The following KIRREL3 variants were observed in gnomAD, a reference collection of about 807,000 sequenced individuals.
The protein encoded by KIRREL3 is kirre like nephrin family adhesion molecule 3, also known as kin of IRRE-like protein 3.
In KIRREL3, 36 loss-of-function variants were observed where a neutral mutation model predicts 89.7. The observed-to-expected ratio is 0.40, with a 90% CI of 0.31 to 0.53. The LOEUF (loss-of-function observed/expected upper bound fraction) is 0.53, where lower values mean the gene tolerates loss of function less well. Ranked by LOEUF, KIRREL3 falls within the 20% of genes least tolerant of loss-of-function variation. The probability of loss-of-function intolerance (pLI) is 0.49; values close to 1 mark genes in which losing one functional copy is unlikely to be tolerated. For missense variants in KIRREL3, 864 were observed against 1,056.6 expected (o/e 0.82, Z 2.53); for synonymous variants, 445 against 441.4 (o/e 1.01, Z -0.10).
rs1955088505 is a variant in KIRREL3, at chr11:126,430,438, C to G, written c.1696+981G>C. Among the ~76,000 whole-genome samples, 3 of 152,010 alleles carry G rather than the reference C, an allele frequency of 2.0e-5. No individual in the cohort carries two copies. The South Asian group carries it at 6.2e-4, about 32-fold the overall frequency. On this transcript the variant is annotated intron_variant, in intron 14 of 16. Coordinates refer to ENST00000525144, the MANE Select transcript of KIRREL3 (RefSeq NM_032531.4). This position sits in a 1 kb window ranked among gnomAD's most constrained non-coding sequence, Gnocchi z 6.6. ...TCAGCCTGGCCAAAAGAGAGAGACC[C>G]TATATAAAAAAAAACCGTATATATA...
intron 1 of KIRREL3, among the ~76,000 whole-genome samples, chr11:126,735,386 T>A (rs1030875491): frequency 6.6e-6 from 1 of 152,166 alleles, no homozygotes; most frequent in East Asian, 1.9e-4. Flanking sequence ...CATGACCAAC[T>A]GGGGAGACAG....
chr11:126,657,522 G>A (rs1945204823), intron 1 of KIRREL3, among the ~76,000 whole-genome samples: 1 of 152,206 alleles, frequency 6.6e-6, no homozygotes, highest in African/African-American at 2.4e-5. Context: ...GGGACAAGCT[G>A]TTTAGCAAAG....
chr11:126,952,149 G>A (rs1350223785), intron 1 of KIRREL3, among the ~76,000 whole-genome samples: 3 of 152,206 alleles, frequency 2.0e-5, no homozygotes, highest in African/African-American at 7.2e-5. Flanking sequence ...GCTTTGGGAG[G>A]CCGAGGCCGG....
At chr11:126,921,721 T>C (rs911176902) in intron 1 of KIRREL3, among the ~76,000 whole-genome samples, 10 of 150,198 alleles carry the variant, frequency 6.7e-5, no homozygotes, top group Non-Finnish European at 1.2e-4. Context: ...TTTCTATCTA[T>C]ATCTATCAAT....
intron 1 of KIRREL3, among the ~76,000 whole-genome samples, chr11:126,616,123 G>T (rs1943337010): frequency 6.6e-6 from 1 of 152,202 alleles, no homozygotes; most frequent in South Asian, 2.1e-4. Context: ...GGTGCTCCAA[G>T]GAAATCTTTC....
At chr11:126,968,587 G>A (rs928893296) in intron 1 of KIRREL3, among the ~76,000 whole-genome samples, 2 of 152,172 alleles carry the variant, frequency 1.3e-5, no homozygotes, top group African/African-American at 4.8e-5. Flanking sequence ...ACATATAAAT[G>A]CTAACAGCGT....
At chr11:126,494,424 A>T (rs1957603095) in intron 4 of KIRREL3, among the ~76,000 whole-genome samples, 1 of 152,196 alleles carries the variant, frequency 6.6e-6, no homozygotes, top group Admixed American at 6.5e-5. Flanking sequence ...AATATAAATG[A>T]GGTGCACGTT....
At chr11:126,835,476 C>G (rs953265862) in intron 1 of KIRREL3, among the ~76,000 whole-genome samples, 4 of 152,206 alleles carry the variant, frequency 2.6e-5, no homozygotes, top group African/African-American at 9.6e-5. Flanking sequence ...ATGGACTTCC[C>G]TATCAAATTT....
chr11:126,933,409 G>T (rs563828301), intron 1 of KIRREL3, among the ~76,000 whole-genome samples: 22 of 151,528 alleles, frequency 1.5e-4, no homozygotes, highest in Non-Finnish European at 2.8e-4. Context: ...AAGTCATCAC[G>T]TTATCTGCCT....
intron 1 of KIRREL3, among the ~76,000 whole-genome samples, chr11:126,980,267 G>A (rs2135244204): frequency 6.6e-6 from 1 of 152,334 alleles, no homozygotes. Context: ...GAAGCTTGAA[G>A]AGCAAGGAGG....
chr11:126,588,438 G>A (rs1452992728), intron 1 of KIRREL3, among the ~76,000 whole-genome samples: 2 of 152,190 alleles, frequency 1.3e-5, no homozygotes, highest in African/African-American at 4.8e-5. Context: ...GATAGGGGTG[G>A]GAATAGGAAT....
chr11:126,434,009 G>A (rs1006589988), intron 13 of KIRREL3, among the ~76,000 whole-genome samples: 1 of 152,232 alleles, frequency 6.6e-6, no homozygotes, highest in African/African-American at 2.4e-5. Flanking sequence ...CTGGACAACG[G>A]TCACCAGGGA....
At position 126,428,184 on chromosome 11, in the gene KIRREL3, G is replaced by A. The variant is rs114174339; in HGVS notation, c.1806+995C>T. Among the ~76,000 whole-genome samples, 1,103 of 152,322 alleles carry A rather than the reference G, an allele frequency of 7.2e-3. 14 individuals are homozygous for A. The highest frequency in any genetic ancestry group is 0.025 in the African/African-American group (1,033 of 41,568). On this transcript the variant is annotated intron_variant, in intron 15 of 16. Transcript: ENST00000525144. This position sits in a 1 kb window ranked among gnomAD's most constrained non-coding sequence, Gnocchi z 6.4. ...TCCACTTCACCCTCACCACAGCCCTGTATACTGTGGCTTTCAGACCCATCT... is the reference window on the plus strand; with the variant it reads ...TCCACTTCACCCTCACCACAGCCCTATATACTGTGGCTTTCAGACCCATCT...
rs139705442 is a variant in KIRREL3 at position 126,771,269 on chromosome 11, A to G, written c.56-208357T>C. On this transcript the variant is annotated intron_variant, in intron 1 of 16. Coordinates refer to ENST00000525144, the MANE Select transcript of KIRREL3 (RefSeq NM_032531.4). This position sits in a 1 kb window ranked among gnomAD's most constrained non-coding sequence, Gnocchi z 4.4. ...ATTCCCTTACTGTTTTTTTTTTTAA[A>G]CAGATGAGGAAACCGAGGCTTAGAG... is the stretch of plus-strand genomic sequence containing the variant. Among the ~76,000 whole-genome samples, 1 of 151,872 alleles carries G rather than the reference A, an allele frequency of 6.6e-6. No individual in the cohort carries two copies. The highest frequency in any genetic ancestry group is 2.4e-5 in the African/African-American group (1 of 41,442).
rs1955107371 is a variant in KIRREL3, at chr11:126,431,009, C to CT, written c.1696+409dup. On this transcript the variant is annotated intron_variant, in intron 14 of 16. Coordinates refer to ENST00000525144, the MANE Select transcript of KIRREL3 (RefSeq NM_032531.4). The surrounding 1 kb of genome is among the most constrained non-coding windows in gnomAD (Gnocchi z 7.1). ...CCCCCACAGCTGTGTGAGTGACCTG[C>CT]TTTTCTGGTGAGACTAGCAGCTCTT... 6.1e-6 allele frequency: 7 copies of CT among 1,140,422 alleles called. No homozygotes were observed. The highest frequency in any genetic ancestry group is 7.5e-6 in the Non-Finnish European group (7 of 929,200). The allele number at this position is 1,140,422 out of a possible 1,614,324, so 70.6% of individuals were successfully genotyped here.
At chr11:126,599,281 C>T (rs1942538124) in intron 1 of KIRREL3, among the ~76,000 whole-genome samples, 1 of 152,216 alleles carries the variant, frequency 6.6e-6, no homozygotes, top group South Asian at 2.1e-4. Flanking sequence ...GGCTTTTCAG[C>T]TGCTTCCATT....
chr11:126,938,986 C>T (rs1209860902), intron 1 of KIRREL3, among the ~76,000 whole-genome samples: 1 of 152,120 alleles, frequency 6.6e-6, no homozygotes, highest in Non-Finnish European at 1.5e-5. Context: ...TAGGTACCTG[C>T]CAGGGAAAAA....
At chr11:126,599,142 A>G (rs1942531231) in intron 1 of KIRREL3, among the ~76,000 whole-genome samples, 1 of 152,202 alleles carries the variant, frequency 6.6e-6, no homozygotes, top group African/African-American at 2.4e-5. Context: ...CTAAAAGAGA[A>G]GCTTCAAAGA....
intron 1 of KIRREL3, among the ~76,000 whole-genome samples, chr11:126,679,904 G>A (rs1946373730): frequency 6.6e-6 from 1 of 152,154 alleles, no homozygotes; most frequent in Non-Finnish European, 1.5e-5. Flanking sequence ...TGAGTTAAAA[G>A]ACCACCAGTC....
Sources: gnomAD v4.1 joint callset for allele counts (sites outside exome capture counted in the v4.1 genomes callset) on GRCh38, gnomAD v4.1.1 for gene constraint, Gnocchi (gnomAD v3.1) non-coding constraint, MANE v1.5 for transcripts, NCBI Gene and HGNC (gene_info 2026-07-23, HGNC 2026-07-21) for gene names.